The following ENOX2 variants were observed in gnomAD, a reference collection of about 807,000 sequenced individuals.
ENOX2 encodes ecto-NOX disulfide-thiol exchanger 2.
A neutral mutation model predicts 45.0 loss-of-function variants in ENOX2; 36 were observed. That is an observed-to-expected ratio of 0.80 (90% confidence interval 0.61 to 1.06). The LOEUF is 1.06. Ranked by LOEUF, ENOX2 falls within the 50% of genes least tolerant of loss-of-function variation. The probability of loss-of-function intolerance (pLI) is 0.00; values close to 1 mark genes in which losing one functional copy is unlikely to be tolerated. For synonymous variants in ENOX2, 174 were observed against 152.3 expected, an observed-to-expected ratio of 1.14 and a Z score of -1.05; for missense variants, 423 against 462.5, an observed-to-expected ratio of 0.91 and a Z score of 0.78.
chrX:130,699,935 T>C (rs1044759222), intron 4 of ENOX2, among the ~76,000 whole-genome samples: 4 of 112,309 alleles, frequency 3.6e-5, no homozygotes, highest in Non-Finnish European at 7.5e-5. Context: ...CTAATAACAA[T>C]AGCTGAGTTA....
intron 2 of ENOX2, among the ~76,000 whole-genome samples, chrX:130,789,600 G>C (rs772714354): frequency 1.4e-4 from 16 of 112,120 alleles, no homozygotes; most frequent in Non-Finnish European, 2.8e-4. Context: ...AATTAATGTT[G>C]AAAAAATATC....
rs2037251108 is a variant in ENOX2, at chrX:130,679,727, C to T, written c.275G>A (p.Arg92Gln). Residue 92 changes from arginine (R) to glutamine (Q), a missense_variant, in exon 6 of 15, where the codon CGA becomes CAA. Physicochemically the swap from Arg to Gln is conservative, Grantham distance 43 (BLOSUM62 1). Around this residue, in one of 5 missense-constraint regions of ENOX2, gnomAD observed 261 missense variants for 306.8 expected, o/e 0.85. Transcript: ENST00000394363. ...TGTTTTGCATCCTGGTGGTCTTTCT[C>T]GGGTTGCAGGAGGTGGGAGATCTAA... ...PNPNLPPPAT[R>Q]ERPPGCKTVF... is the part of the protein sequence containing the mutation. 7 of 1,210,505 alleles carry T rather than the reference C, an allele frequency of 5.8e-6. No individual in the cohort carries two copies. The highest frequency in any genetic ancestry group is 1.7e-5 in the African/African-American group (1 of 57,823).
chrX:130,888,754 G>A (rs143316564), intron 2 of ENOX2, among the ~76,000 whole-genome samples: 140 of 111,871 alleles, frequency 1.3e-3, no homozygotes, highest in Middle Eastern at 4.6e-3. Context: ...AGACGGAATC[G>A]CTGTTTGCTC....
At chrX:130,841,407 A>G (rs772321567) in intron 2 of ENOX2, among the ~76,000 whole-genome samples, 54 of 112,177 alleles carry the variant, frequency 4.8e-4, no homozygotes, top group African/African-American at 1.7e-3. Context: ...TCCAAAGGTC[A>G]TAAGAATTTA....
chrX:130,784,738 C>T (rs373209222), intron 2 of ENOX2, among the ~76,000 whole-genome samples: 9 of 108,864 alleles, frequency 8.3e-5, no homozygotes, highest in African/African-American at 2.7e-4. Flanking sequence ...TAGGCATGCA[C>T]CACCATGCCT....
intron 2 of ENOX2, among the ~76,000 whole-genome samples, chrX:130,878,490 G>A (rs1303584188): frequency 9.0e-6 from 1 of 111,247 alleles, no homozygotes; most frequent in Non-Finnish European, 1.9e-5. Flanking sequence ...CTTTTTCCGT[G>A]AGACTATGCT....
At chrX:130,896,889 C>A (rs1206369696) in intron 2 of ENOX2, among the ~76,000 whole-genome samples, 1 of 111,749 alleles carries the variant, frequency 8.9e-6, no homozygotes, top group African/African-American at 3.3e-5. Context: ...AATCAGATAT[C>A]CTATATACAC....
chrX:130,793,521 A>G (rs2077075177), intron 2 of ENOX2, among the ~76,000 whole-genome samples: 1 of 112,064 alleles, frequency 8.9e-6, no homozygotes, highest in Non-Finnish European at 1.9e-5. Flanking sequence ...GTCTCCTCCC[A>G]AATCTTTCAG....
rs1161378110 is a variant in ENOX2 at position 130,679,591 on chromosome X, G to A, written c.411C>T (p.His137=). The part of the protein sequence containing the change: ...AIRKSKKNFC[H]IRFAEEYMVD... ...CCATGTACTCCTCAGCAAAGCGAAT[G>A]TGGCAGAAGTTCTTCTTGCTCTTGC... is the stretch of plus-strand genomic sequence containing the variant. Residue 137 remains histidine, a synonymous_variant, in exon 6 of 15, where the codon CAC becomes CAT. Coordinates refer to ENST00000394363, the MANE Select transcript of ENOX2 (RefSeq NM_006375.4). 3 of 1,211,082 alleles carry A rather than the reference G, an allele frequency of 2.5e-6. No individual in the cohort carries two copies. The highest frequency in any genetic ancestry group is 2.2e-5 in the Admixed American group (1 of 46,044).
At chrX:130,880,987 T>TA (rs1399789768) in intron 2 of ENOX2, among the ~76,000 whole-genome samples, 1 of 112,684 alleles carries the variant, frequency 8.9e-6, no homozygotes, top group Non-Finnish European at 1.9e-5. Context: ...TTCCTGTTGA[T>TA]ACAATTATCA....
intron 2 of ENOX2, among the ~76,000 whole-genome samples, chrX:130,828,770 C>A (rs1406785719): frequency 9.0e-6 from 1 of 111,653 alleles, no homozygotes; most frequent in East Asian, 2.8e-4. Flanking sequence ...TCATATGATG[C>A]CTTTTCATCA....
At chrX:130,670,628 A>G (rs746933433) in intron 6 of ENOX2, among the ~76,000 whole-genome samples, 7 of 110,409 alleles carry the variant, frequency 6.3e-5, no homozygotes, top group Admixed American at 5.8e-4. Flanking sequence ...CCATTATACT[A>G]TCACAAAGAT....
intron 8 of ENOX2, among the ~76,000 whole-genome samples, chrX:130,666,214 A>G (rs772455057): frequency 8.9e-6 from 1 of 112,266 alleles, no homozygotes; most frequent in Admixed American, 9.4e-5. Flanking sequence ...TTGCTTCAAC[A>G]GAATTCATGC....
At chrX:130,760,869 T>A (rs1051222975) in intron 3 of ENOX2, among the ~76,000 whole-genome samples, 3 of 103,238 alleles carry the variant, frequency 2.9e-5, no homozygotes, top group African/African-American at 3.6e-5. Flanking sequence ...TTTTTTTTTT[T>A]AAATCATGGA....
intron 3 of ENOX2, among the ~76,000 whole-genome samples, chrX:130,718,866 C>G (rs191670826): frequency 1.8e-5 from 2 of 111,849 alleles, no homozygotes; most frequent in African/African-American, 3.3e-5. Flanking sequence ...CTCTGGTCTA[C>G]GTCAGTGCCG....
At chrX:130,684,893 G>A (rs752199164) in intron 5 of ENOX2, among the ~76,000 whole-genome samples, 43 of 111,443 alleles carry the variant, frequency 3.9e-4, no homozygotes, top group Non-Finnish European at 6.8e-4. Flanking sequence ...GAGCCTAGGA[G>A]GTGGAGGCTG....
chrX:130,775,038 A>G (rs1400248484), intron 3 of ENOX2, among the ~76,000 whole-genome samples: 1 of 112,305 alleles, frequency 8.9e-6, no homozygotes, highest in Non-Finnish European at 1.9e-5. Flanking sequence ...AGGGGGACAC[A>G]GAGTACCATA....
At chrX:130,849,523 A>T (rs2078171726) in intron 2 of ENOX2, among the ~76,000 whole-genome samples, 1 of 112,302 alleles carries the variant, frequency 8.9e-6, no homozygotes, top group African/African-American at 3.2e-5. Flanking sequence ...AAGTGCCGAG[A>T]TATTGAATTA....
chrX:130,884,450 G>A (rs887998722), intron 2 of ENOX2, among the ~76,000 whole-genome samples: 6 of 111,030 alleles, frequency 5.4e-5, no homozygotes, highest in African/African-American at 1.3e-4. Context: ...CGTGAACATC[G>A]AGTCATTAAT....
Sources: gnomAD v4.1 joint callset for allele counts (sites outside exome capture counted in the v4.1 genomes callset) on GRCh38, gnomAD v4.1.1 for gene constraint, gnomAD v4.1.1 regional missense constraint, MANE v1.5 for transcripts, NCBI Gene and HGNC (gene_info 2026-07-23, HGNC 2026-07-21) for gene names.